The following SPAG1 variants were observed in gnomAD, a reference collection of about 807,000 sequenced individuals.
SPAG1 encodes sperm-associated antigen 1.
In SPAG1, 69 loss-of-function variants were observed where a neutral mutation model predicts 100.5. The observed-to-expected ratio is 0.69, with a 90% CI of 0.57 to 0.84. SPAG1 has a LOEUF of 0.84. Among genes scored for constraint, SPAG1 ranks in the 40% least tolerant of loss-of-function variants. The probability of loss-of-function intolerance (pLI) is 0.00; values close to 1 mark genes in which losing one functional copy is unlikely to be tolerated. For synonymous variants in SPAG1, 336 were observed against 411.6 expected, an observed-to-expected ratio of 0.82 and a Z score of 2.22; for missense variants, 955 against 1,133.1, an observed-to-expected ratio of 0.84 and a Z score of 2.26.
chr8:100,162,549 GTT>G lies in SPAG1; in HGVS notation c.140+132_140+133del, dbSNP rs200663990. 677 of 703,236 alleles carry G rather than the reference GTT, an allele frequency of 9.6e-4. 8 individuals carry two copies. In the African/African-American group the frequency reaches 0.011, roughly 12 times the overall value. 43.6% of individuals were successfully genotyped at this position (703,236 alleles called of 1,614,324 possible). On this transcript the variant is annotated intron_variant, in intron 2 of 18. Coordinates refer to ENST00000388798, the MANE Select transcript of SPAG1 (RefSeq NM_003114.5). ...ATGCATGGTAGGTCCCAAAATAGTG[GTT>G]TTGATCCTATGGTTAGTTTGGAGAG...
chr8:100,164,008 T>C (rs1207429248), intron 2 of SPAG1, among the ~76,000 whole-genome samples: 2 of 152,158 alleles, frequency 1.3e-5, no homozygotes, highest in African/African-American at 4.8e-5. Flanking sequence ...TTTCTAGAAA[T>C]GTAAGAGTGA....
intron 3 of SPAG1, among the ~76,000 whole-genome samples, chr8:100,177,190 T>A (rs1461171213): frequency 6.6e-6 from 1 of 152,140 alleles, no homozygotes; most frequent in Non-Finnish European, 1.5e-5. Context: ...ACACTAAACA[T>A]CATAAAAATA....
chr8:100,215,816 G>A (rs182311590), intron 12 of SPAG1, among the ~76,000 whole-genome samples: 102 of 152,338 alleles, frequency 6.7e-4, no homozygotes, highest in East Asian at 1.2e-3. Flanking sequence ...GAGCCACCGC[G>A]CCCGGCCCAG....
chr8:100,178,615 A>G (rs565506750), intron 4 of SPAG1, among the ~76,000 whole-genome samples: 1 of 152,090 alleles, frequency 6.6e-6, no homozygotes, highest in Non-Finnish European at 1.5e-5. Context: ...AGGTTAACTC[A>G]TTCTTGTTAT....
At chr8:100,191,806 G>A (rs1251455932) in intron 9 of SPAG1, among the ~76,000 whole-genome samples, 7 of 152,100 alleles carry the variant, frequency 4.6e-5, no homozygotes, top group Admixed American at 3.3e-4. Context: ...ACCTTCCTAG[G>A]TAGGATTAGG....
chr8:100,234,490 T>G (rs1818914997), intron 16 of SPAG1, among the ~76,000 whole-genome samples: 1 of 152,242 alleles, frequency 6.6e-6, no homozygotes, highest in African/African-American at 2.4e-5. Context: ...TTTTGATTGT[T>G]TTGGACATTA....
At chr8:100,214,417 G>T (rs1055258382) in intron 12 of SPAG1, among the ~76,000 whole-genome samples, 2 of 152,124 alleles carry the variant, frequency 1.3e-5, no homozygotes, top group Non-Finnish European at 2.9e-5. Flanking sequence ...CCCTAATGGT[G>T]GTAATGCCCT....
intron 10 of SPAG1, among the ~76,000 whole-genome samples, chr8:100,206,016 TCAAAAAAAAAAAAAAAAAAAAA>T (rs1563795194): frequency 5.0e-5 from 1 of 19,980 alleles, no homozygotes. Flanking sequence ...AGACTCTGTC[TCAAAAAAAAAAAAAAAAAAAAA>T]AAAAAAAAAA....
In SPAG1 at chr8:100,180,228, T is replaced by C. The variant is rs1448840448; in HGVS notation, c.426+2287T>C. 2.6e-5 allele frequency among the ~76,000 whole-genome samples: 4 copies of C among 152,224 alleles called. 1 individual carries two copies. Among genetic ancestry groups the C allele is most frequent in the Admixed American group, 2.0e-4 (3 of 15,288 alleles). On this transcript the variant is annotated intron_variant, in intron 4 of 18. Coordinates refer to ENST00000388798, the MANE Select transcript of SPAG1 (RefSeq NM_003114.5). ...ATGCCTATAGTTCTAGTTCTATCTA[T>C]TCAGGAGACTGAGGTAAGAGGATTG...
rs1819257338 is a variant in SPAG1, at chr8:100,241,182, C to CT, written c.*161dup. The CT allele has an allele frequency of 4.1e-6, 2 of 493,050 alleles. No homozygotes were observed. The highest frequency in any genetic ancestry group is 6.8e-6 in the Non-Finnish European group (2 of 293,102). The allele number at this position is 493,050 out of a possible 1,614,324, so 30.5% of individuals were successfully genotyped here. On this transcript the variant is annotated 3_prime_UTR_variant, in exon 19 of 19. Transcript: ENST00000388798. The surrounding 1 kb of genome is among the most constrained non-coding windows in gnomAD (Gnocchi z 5.1). Reference sequence around the variant, plus strand: ...TTTTCCTACATAGAACATGTATATTCTACAATCTGCTTTTTATTAGTTGTA... The same window carrying CT: ...TTTTCCTACATAGAACATGTATATTCTTACAATCTGCTTTTTATTAGTTGTA...
At chr8:100,222,861 C>CTA (rs1331104170) in intron 13 of SPAG1, among the ~76,000 whole-genome samples, 1 of 152,196 alleles carries the variant, frequency 6.6e-6, no homozygotes, top group Admixed American at 6.5e-5. Context: ...TCACTTCTTT[C>CTA]TAGTTCCAAA....
intron 10 of SPAG1, among the ~76,000 whole-genome samples, chr8:100,201,285 T>C (rs958630183): frequency 6.6e-6 from 1 of 151,956 alleles, no homozygotes; most frequent in East Asian, 1.9e-4. Flanking sequence ...CCCTGCCTAA[T>C]TTTTTCATTT....
At chr8:100,187,677 C>T (rs1010477600) in intron 8 of SPAG1, among the ~76,000 whole-genome samples, 6 of 151,662 alleles carry the variant, frequency 4.0e-5, no homozygotes, top group African/African-American at 1.5e-4. Flanking sequence ...AAAAAAAAAA[C>T]TCAAGCTTGC....
intron 3 of SPAG1, among the ~76,000 whole-genome samples, chr8:100,166,574 C>T (rs549050554): frequency 6.6e-6 from 1 of 151,282 alleles, no homozygotes; most frequent in South Asian, 2.2e-4. Context: ...AATTTTTTTG[C>T]ACCTCCCTGA....
At chr8:100,165,998 T>C (rs369098472) in intron 3 of SPAG1, 25 bp downstream of exon 3, 30 of 1,574,788 alleles carry the variant, frequency 1.9e-5, no homozygotes, top group Non-Finnish European at 1.8e-5. Flanking sequence ...CAATTTTCCA[T>C]AGATATTGTT....
intron 1 of SPAG1, among the ~76,000 whole-genome samples, chr8:100,161,903 T>G (rs2132182267): frequency 6.6e-6 from 1 of 152,398 alleles, no homozygotes; most frequent in East Asian, 1.9e-4. Context: ...AATTTTGAGT[T>G]GGTCTGGTGA....
intron 1 of SPAG1, among the ~76,000 whole-genome samples, chr8:100,160,969 T>C (rs934635696): frequency 1.3e-5 from 2 of 152,220 alleles, no homozygotes; most frequent in Admixed American, 6.5e-5. Context: ...ATGTCAATTG[T>C]TGTTATCAGG....
In SPAG1 at chr8:100,240,647, G is replaced by T; in HGVS notation, c.2525G>T (p.Ser842Ile). ...TAPKDLPMFL[S>I]NKLEGDTFLL... ...CCAAAAGATTTGCCGATGTTTTTAA[G>T]TAACAAACTTGAAGGGGATACATTC... is the stretch of plus-strand genomic sequence containing the variant. The change falls in exon 18 of 19, where the codon AGT becomes ATT. Residue 842 changes from serine (S) to isoleucine (I), a missense_variant. Coordinates refer to ENST00000388798, the MANE Select transcript of SPAG1 (RefSeq NM_003114.5). The T allele has an allele frequency of 6.2e-7, 1 of 1,614,166 alleles. No individual in the cohort carries two copies. Among genetic ancestry groups the T allele is most frequent in the Non-Finnish European group, 8.5e-7 (1 of 1,180,024 alleles).
chr8:100,237,562 G>C lies in SPAG1; in HGVS notation c.2116-1678G>C, dbSNP rs563059680. Among the ~76,000 whole-genome samples the C allele has an allele frequency of 5.9e-5, 9 of 152,256 alleles. 2 individuals are homozygous for C. The highest frequency in any genetic ancestry group is 1.9e-4 in the African/African-American group (8 of 41,534). ...TTTTAATTGCTTCCCCTCATAGGAC[G>C]TAAGCTTCCATAAATGTAAAACTTA... On this transcript the variant is annotated intron_variant, in intron 16 of 18. Transcript: ENST00000388798.
Sources: gnomAD v4.1 joint callset for allele counts (sites outside exome capture counted in the v4.1 genomes callset) on GRCh38, gnomAD v4.1.1 for gene constraint, Gnocchi (gnomAD v3.1) non-coding constraint, MANE v1.5 for transcripts, NCBI Gene and HGNC (gene_info 2026-07-23, HGNC 2026-07-21) for gene names.